Variants in NBAS observed in about 807,000 individuals in gnomAD.
NBAS encodes NBAS subunit of NRZ tethering complex.
Under a neutral mutation model 302.5 loss-of-function variants are expected in NBAS, and 219 were observed. The observed-to-expected ratio is 0.72, with a 90% CI of 0.65 to 0.81. NBAS has a LOEUF of 0.81. Ranked by LOEUF, NBAS falls within the 30% of genes least tolerant of loss-of-function variation. The probability of loss-of-function intolerance (pLI) is 0.00; values close to 1 mark genes in which losing one functional copy is unlikely to be tolerated. For synonymous variants in NBAS, 1,118 were observed against 1,021.6 expected (o/e 1.09, Z -1.80); for missense variants, 2,932 against 2,841.6 (o/e 1.03, Z -0.72).
At chr2:15,287,422 G>A (rs1429683700) in intron 41 of NBAS, among the ~76,000 whole-genome samples, 1 of 152,222 alleles carries the variant, frequency 6.6e-6, no homozygotes, top group Non-Finnish European at 1.5e-5. Context: ...CTCAACTGTG[G>A]ATGATTTTGT....
chr2:15,256,117 G>C (rs1290331386), intron 44 of NBAS, among the ~76,000 whole-genome samples: 1 of 151,972 alleles, frequency 6.6e-6, no homozygotes. Context: ...GGTGGGAATT[G>C]TATTAAATTT....
chr2:15,335,549 T>C (rs1672544522), intron 35 of NBAS, among the ~76,000 whole-genome samples: 1 of 152,198 alleles, frequency 6.6e-6, no homozygotes, highest in Non-Finnish European at 1.5e-5. Context: ...TGGTATCTCT[T>C]TGTGGTTTTA....
the NBAS span, among the ~76,000 whole-genome samples, chr2:15,007,659 G>A: frequency 6.6e-6 from 1 of 152,142 alleles, no homozygotes. Context: ...CTGGGAAACT[G>A]TGATTCTTTC....
chr2:15,293,987 C>T (rs893602878), intron 40 of NBAS, among the ~76,000 whole-genome samples: 1 of 152,138 alleles, frequency 6.6e-6, no homozygotes, highest in Non-Finnish European at 1.5e-5. Context: ...GTTAAAAGAC[C>T]TGGGTTTGAA....
At chr2:15,099,728 C>T in the NBAS span, among the ~76,000 whole-genome samples, 1 of 151,980 alleles carries the variant, frequency 6.6e-6, no homozygotes, top group Non-Finnish European at 1.5e-5. Context: ...GCTTGACCAC[C>T]GAGTCCATAG....
At chr2:15,148,387 T>C in the NBAS span, among the ~76,000 whole-genome samples, 1 of 152,066 alleles carries the variant, frequency 6.6e-6, no homozygotes, top group Non-Finnish European at 1.5e-5. Flanking sequence ...GGGCAGGCAA[T>C]GAGCAGGGCC....
the NBAS span, among the ~76,000 whole-genome samples, chr2:14,793,944 T>C: frequency 6.6e-6 from 1 of 152,124 alleles, no homozygotes; most frequent in Non-Finnish European, 1.5e-5. Flanking sequence ...GTGATCTATA[T>C]CTGGAGAAAC....
At chr2:14,977,912 C>G in the NBAS span, among the ~76,000 whole-genome samples, 1 of 152,112 alleles carries the variant, frequency 6.6e-6, no homozygotes, top group African/African-American at 2.4e-5. Flanking sequence ...AGAAAACCAT[C>G]AAGTTGCATA....
rs551225643 is a variant in NBAS, at chr2:15,319,855, A to G, written c.4582+7895T>C. Among the ~76,000 whole-genome samples, 44 of 152,272 alleles carry G rather than the reference A, an allele frequency of 2.9e-4. No individual in the cohort carries two copies. The South Asian group carries it at 5.2e-3, about 18-fold the overall frequency. ...TACCATTCCTTCTGAAACGATCCCA[A>G]TCAATAGAAAAAGAGGGAATCTTCC... On this transcript the variant is annotated intron_variant, in intron 38 of 51. Coordinates refer to ENST00000281513, the MANE Select transcript of NBAS (RefSeq NM_015909.4).
chr2:14,796,919 C>CAAAAAAAAAAAAAAAAA, the NBAS span, among the ~76,000 whole-genome samples: 1 of 86,472 alleles, frequency 1.2e-5, no homozygotes, highest in Admixed American at 1.4e-4. Flanking sequence ...CTAAAAAATA[C>CAAAAAAAAAAAAAAAAA]AAAAAAAAAA....
At chr2:15,077,909 C>A in the NBAS span, among the ~76,000 whole-genome samples, 1 of 151,958 alleles carries the variant, frequency 6.6e-6, no homozygotes, top group South Asian at 2.1e-4. Flanking sequence ...GTCTCGAACT[C>A]CTGACCTTGT....
chr2:15,493,600 G>C (rs1680952187), intron 11 of NBAS, among the ~76,000 whole-genome samples: 1 of 151,578 alleles, frequency 6.6e-6, no homozygotes, highest in African/African-American at 2.4e-5. Flanking sequence ...CTGGGAGGCA[G>C]AGGTTGGCAT....
chr2:15,005,396 C>T, the NBAS span, among the ~76,000 whole-genome samples: 2 of 152,166 alleles, frequency 1.3e-5, no homozygotes, highest in African/African-American at 2.4e-5. Flanking sequence ...TTTGGAAGAG[C>T]GATTCATTTA....
the NBAS span, among the ~76,000 whole-genome samples, chr2:14,999,084 C>G: frequency 6.6e-6 from 1 of 152,144 alleles, no homozygotes; most frequent in South Asian, 2.1e-4. Flanking sequence ...TGGGCCTCTA[C>G]CAGCCATCTG....
chr2:15,189,327 A>G (rs1294344449), intron 49 of NBAS, among the ~76,000 whole-genome samples: 1 of 152,232 alleles, frequency 6.6e-6, no homozygotes, highest in Admixed American at 6.5e-5. Context: ...TAACAGTCTC[A>G]TGGAATCTTT....
the NBAS span, among the ~76,000 whole-genome samples, chr2:15,075,011 C>T: frequency 1.3e-5 from 2 of 152,114 alleles, no homozygotes; most frequent in Non-Finnish European, 2.9e-5. Context: ...CAGAAACTAT[C>T]TACATTAAAA....
intron 21 of NBAS, among the ~76,000 whole-genome samples, chr2:15,459,531 G>C (rs1345770527): frequency 8.2e-6 from 1 of 121,736 alleles, no homozygotes; most frequent in Non-Finnish European, 1.7e-5. Flanking sequence ...GTCTCGTTCT[G>C]TCACCCAGGG....
the NBAS span, among the ~76,000 whole-genome samples, chr2:15,060,532 C>T: frequency 4.6e-5 from 7 of 152,212 alleles, no homozygotes; most frequent in African/African-American, 7.2e-5. Flanking sequence ...ACAAGCTAGG[C>T]GCACACAGGG....
At chr2:15,372,134 G>A (rs974276327) in intron 31 of NBAS, among the ~76,000 whole-genome samples, 2 of 152,118 alleles carry the variant, frequency 1.3e-5, no homozygotes, top group Admixed American at 6.5e-5. Context: ...CTATAATGCT[G>A]TAAGTCAGAA....
Sources: gnomAD v4.1 joint callset for allele counts (sites outside exome capture counted in the v4.1 genomes callset) on GRCh38, gnomAD v4.1.1 for gene constraint, MANE v1.5 for transcripts, NCBI Gene and HGNC (gene_info 2026-07-23, HGNC 2026-07-21) for gene names.